The following GRIP1 variants were observed in gnomAD, a reference collection of about 807,000 sequenced individuals.
The protein encoded by GRIP1 is glutamate receptor interacting protein 1, also known as glutamate receptor-interacting protein 1.
GRIP1 carries 45 observed loss-of-function variants against 129.9 expected under a neutral mutation model. The observed-to-expected ratio is 0.35, with a 90% CI of 0.27 to 0.44. The LOEUF (loss-of-function observed/expected upper bound fraction) is 0.44, where lower values mean the gene tolerates loss of function less well. Ranked by LOEUF, GRIP1 falls within the 20% of genes least tolerant of loss-of-function variation. The probability of loss-of-function intolerance (pLI) is 1.00; values close to 1 mark genes in which losing one functional copy is unlikely to be tolerated. For missense variants in GRIP1, 1,196 were observed against 1,396.8 expected (o/e 0.86, Z 2.29); for synonymous variants, 530 against 520.8 (o/e 1.02, Z -0.24).
intron 1 of GRIP1, among the ~76,000 whole-genome samples, chr12:66,790,964 A>G (rs1468630516): frequency 6.6e-6 from 1 of 152,302 alleles, no homozygotes; most frequent in Non-Finnish European, 1.5e-5. Context: ...CACAGAAGCC[A>G]AGACAGGAAA....
chr12:66,697,861 T>C (rs1249987367), intron 1 of GRIP1, among the ~76,000 whole-genome samples: 2 of 152,208 alleles, frequency 1.3e-5, no homozygotes, highest in African/African-American at 2.4e-5. Context: ...CAAATGGCTC[T>C]AATCAGCAAA....
intron 1 of GRIP1, among the ~76,000 whole-genome samples, chr12:66,699,326 T>G (rs1224956013): frequency 1.3e-5 from 2 of 152,196 alleles, no homozygotes; most frequent in Non-Finnish European, 2.9e-5. Context: ...GAGAGTGATA[T>G]GGCTTGGCTG....
intron 1 of GRIP1, among the ~76,000 whole-genome samples, chr12:66,815,952 G>C (rs530774887): frequency 6.6e-6 from 1 of 151,860 alleles, no homozygotes; most frequent in Non-Finnish European, 1.5e-5. Flanking sequence ...AGGTCATCCA[G>C]GGATCTGGGT....
chr12:66,420,658 G>A (rs1368627567), intron 15 of GRIP1, 62 bp downstream of exon 15: 2 of 886,222 alleles, frequency 2.3e-6, no homozygotes, highest in South Asian at 2.6e-5. Context: ...GGTGTGGAAG[G>A]TGTCATGTTT....
At chr12:66,673,873 G>T (rs2034201161) in intron 1 of GRIP1, among the ~76,000 whole-genome samples, 1 of 152,176 alleles carries the variant, frequency 6.6e-6, no homozygotes, top group Non-Finnish European at 1.5e-5. Context: ...AATAAAACAA[G>T]ACAGACTTAC....
intron 2 of GRIP1, chr12:66,568,080 T>C (rs960946076): frequency 7.5e-6 from 2 of 265,728 alleles, no homozygotes; most frequent in African/African-American, 2.2e-5. Flanking sequence ...AAGGCTAAAG[T>C]AGGTGGATGA....
chr12:66,531,252 A>AAAAAAT (rs1565833708), intron 4 of GRIP1, among the ~76,000 whole-genome samples: 1 of 19,476 alleles, frequency 5.1e-5, no homozygotes, highest in African/African-American at 4.3e-4. Context: ...AAAAAAAAAA[A>AAAAAAT]ATATATATAT....
Position 66,392,316 on chromosome 12 carries a change from C to T in GRIP1, c.2456G>A (p.Gly819Glu). The T allele has an allele frequency of 1.3e-6, 2 of 1,598,376 alleles. No homozygotes were observed. Among genetic ancestry groups the T allele is most frequent in the Non-Finnish European group, 1.7e-6 (2 of 1,165,572 alleles). Residue 819 changes from glycine (G) to glutamate (E), a missense_variant, in exon 19 of 25, where the codon GGA (glycine) becomes GAA (glutamate). Physicochemically the swap from Gly to Glu is moderately conservative, Grantham distance 98. This residue lies in a region of GRIP1 where 427 missense variants were observed against 463.3 expected (regional missense o/e 0.92). Coordinates refer to ENST00000359742, the MANE Select transcript of GRIP1 (RefSeq NM_001366722.1). Reference sequence around the variant, plus strand: ...ACAAAGTAAAGACATACCTTGAGTTCCATAGCTGGTGTCTATTGCAGACCC... The same window carrying T: ...ACAAAGTAAAGACATACCTTGAGTTTCATAGCTGGTGTCTATTGCAGACCC... ...WDGSAIDTSY[G>E]TQGTSFQASG...
chr12:66,363,225 A>ATATATATATATATATATG (rs1363141435), intron 23 of GRIP1, among the ~76,000 whole-genome samples: 61 of 133,814 alleles, frequency 4.6e-4, no homozygotes, highest in Non-Finnish European at 7.2e-4. Context: ...ATATATATAT[A>ATATATATATATATATATG]TATAAAGTTT....
chr12:66,894,626 G>A (rs2040715599), intron 1 of GRIP1, among the ~76,000 whole-genome samples: 1 of 152,068 alleles, frequency 6.6e-6, no homozygotes, highest in South Asian at 2.1e-4. Context: ...GCCTTCCAAG[G>A]TCCTCATATG....
chr12:66,371,974 A>G (rs2055530739), intron 22 of GRIP1, 47 bp from the exon 23 acceptor site: 12 of 1,265,476 alleles, frequency 9.5e-6, no homozygotes, highest in Non-Finnish European at 1.3e-5. Context: ...TGGACTAAGG[A>G]AAGGATTTGG....
rs200973009 is a variant in GRIP1 at position 66,974,247 on chromosome 12, TC to T, written c.58+94802del. Among the ~76,000 whole-genome samples, 682 of 152,170 alleles carry T rather than the reference TC, an allele frequency of 4.5e-3. 9 individuals are homozygous for T. The highest frequency in any genetic ancestry group is 0.016 in the African/African-American group (648 of 41,510). The stretch of plus-strand genomic sequence containing the variant: ...CCTGGTCTTTACTTAAGTATTACCT[TC>T]TCTGTGAAATGATCCATCTAAAATC... On this transcript the variant is annotated intron_variant, in intron 1 of 1. Coordinates refer to the GRIP1 transcript ENST00000643019.
At position 66,829,057 on chromosome 12, in the gene GRIP1, G is replaced by C. The variant is rs576393848; in HGVS notation, c.59-232130C>G. On this transcript the variant is annotated intron_variant, in intron 1 of 1. Transcript: ENST00000643019. Reference sequence around the variant, plus strand: ...ATTCACTTCTGAATCCCCAGAACCCGTAAATATTATCTTTTATGGCAAAAG... The same window carrying C: ...ATTCACTTCTGAATCCCCAGAACCCCTAAATATTATCTTTTATGGCAAAAG... Among the ~76,000 whole-genome samples the C allele has an allele frequency of 4.6e-5, 7 of 152,180 alleles. No individual in the cohort carries two copies. The East Asian group carries it at 1.3e-3, about 29-fold the overall frequency.
At chr12:66,491,612 C>T (rs1468658485) in intron 7 of GRIP1, among the ~76,000 whole-genome samples, 1 of 151,928 alleles carries the variant, frequency 6.6e-6, no homozygotes. Flanking sequence ...ACACATGCAC[C>T]CCTGAACTTA....
intron 1 of GRIP1, among the ~76,000 whole-genome samples, chr12:66,790,062 C>A (rs2038480961): frequency 6.7e-6 from 1 of 150,060 alleles, no homozygotes; most frequent in African/African-American, 2.5e-5. Context: ...CACTGAAAAA[C>A]ACTTTATTTT....
chr12:66,986,499 T>C (rs921762283), intron 1 of GRIP1, among the ~76,000 whole-genome samples: 2 of 148,998 alleles, frequency 1.3e-5, no homozygotes, highest in Non-Finnish European at 3.0e-5. Context: ...TATGCAGCCA[T>C]AAAAAATGAT....
chr12:66,903,153 T>C (rs1033266159), intron 1 of GRIP1, among the ~76,000 whole-genome samples: 2 of 152,202 alleles, frequency 1.3e-5, no homozygotes, highest in African/African-American at 4.8e-5. Flanking sequence ...GACTTATTAC[T>C]ATGCTATGTA....
intron 7 of GRIP1, among the ~76,000 whole-genome samples, chr12:66,496,706 G>A (rs2060247526): frequency 6.6e-6 from 1 of 152,130 alleles, no homozygotes; most frequent in Admixed American, 6.5e-5. Context: ...GTCATCTCTT[G>A]GTATGGGCCA....
At chr12:66,806,163 G>C (rs2038988775), upstream of GRIP1, among the ~76,000 whole-genome samples, 1 of 151,814 alleles carries the variant, frequency 6.6e-6, no homozygotes, top group African/African-American at 2.4e-5. Context: ...TAATAATGAG[G>C]TGAATGTCAT....
Sources: allele counts gnomAD v4.1 joint callset (sites outside exome capture counted in the v4.1 genomes callset), GRCh38; gene constraint gnomAD v4.1.1; regional missense constraint gnomAD v4.1.1; transcripts MANE v1.5; gene names NCBI Gene and HGNC (gene_info 2026-07-23, HGNC 2026-07-21).